The following ZBTB16 variants were observed in gnomAD, a reference collection of about 807,000 sequenced individuals.
The protein encoded by ZBTB16 is zinc finger and BTB domain containing 16, also known as zinc finger and BTB domain-containing protein 16.
A neutral mutation model predicts 56.8 loss-of-function variants in ZBTB16; 8 were observed. The ratio of observed to expected loss-of-function variants is 0.14; its 90% CI spans 0.08 to 0.25. The LOEUF is 0.25. Ranked by LOEUF, ZBTB16 falls within the 10% of genes least tolerant of loss-of-function variation. ZBTB16 has a pLI of 1.00. For synonymous variants in ZBTB16, 363 were observed against 368.5 expected (o/e 0.98, Z 0.17); for missense variants, 625 against 903.0 (o/e 0.69, Z 3.95).
chr11:114,233,084 C>CGCGT (rs1341589097), intron 4 of ZBTB16, among the ~76,000 whole-genome samples: 1 of 61,892 alleles, frequency 1.6e-5, no homozygotes, highest in African/African-American at 5.9e-5. Context: ...CGCGCGCGCA[C>CGCGT]ACACACACAC....
Position 114,064,844 on chromosome 11 carries a change from G to C in ZBTB16, c.1268+276G>C, listed in dbSNP as rs937082005. ...CTTTGTTTTTTGCTTTTGGGCCCCTGTTTGTTTTTTCGGCTGTTTGGTCTG... is the reference window on the plus strand; with the variant it reads ...CTTTGTTTTTTGCTTTTGGGCCCCTCTTTGTTTTTTCGGCTGTTTGGTCTG... On this transcript the variant is annotated intron_variant, in intron 2 of 6. Transcript: ENST00000335953. This position sits in a 1 kb window ranked among gnomAD's most constrained non-coding sequence, Gnocchi z 4.2. Among the ~76,000 whole-genome samples, 6 of 152,122 alleles carry C rather than the reference G, an allele frequency of 3.9e-5. No individual in the cohort carries two copies. The highest frequency in any genetic ancestry group is 2.0e-4 in the Admixed American group (3 of 15,250).
At chr11:114,216,405 T>A (rs1429706735) in intron 4 of ZBTB16, among the ~76,000 whole-genome samples, 2 of 152,180 alleles carry the variant, frequency 1.3e-5, no homozygotes, top group African/African-American at 2.4e-5. Context: ...ACTAGGCTGA[T>A]AAATTGCTGT....
Position 114,064,324 on chromosome 11 carries a change from G to C in ZBTB16, c.1024G>C (p.Ala342Pro). The change falls in exon 2 of 7, where the codon GCT becomes CCT. Residue 342 changes from alanine (A) to proline (P), a missense_variant. This residue lies in a region of ZBTB16 where 384 missense variants were observed against 393.5 expected (regional missense o/e 0.98). Transcript: ENST00000335953. The surrounding 1 kb of genome is among the most constrained non-coding windows in gnomAD (Gnocchi z 4.2). ...GIYSVLPNHK[A>P]DAVLSMPSSV... is the part of the protein sequence containing the mutation. ...CTACTCCGTGTTGCCCAACCACAAG[G>C]CTGACGCTGTATTGAGCATGCCGTC... 1 of 1,614,098 alleles carries C rather than the reference G, an allele frequency of 6.2e-7. No individual in the cohort carries two copies. The highest frequency in any genetic ancestry group is 8.5e-7 in the Non-Finnish European group (1 of 1,180,030).
At chr11:114,196,416 A>G (rs1029157809) in intron 4 of ZBTB16, among the ~76,000 whole-genome samples, 1 of 152,212 alleles carries the variant, frequency 6.6e-6, no homozygotes, top group African/African-American at 2.4e-5. Context: ...GGTCATTCCT[A>G]GGTTTAGAAG....
At chr11:114,229,495 C>T (rs1046916157) in intron 4 of ZBTB16, among the ~76,000 whole-genome samples, 2 of 152,314 alleles carry the variant, frequency 1.3e-5, no homozygotes, top group Admixed American at 6.5e-5. Flanking sequence ...TTAAACTTTA[C>T]GGTACAGAAG....
At chr11:114,157,713 T>TC (rs373475543) in intron 3 of ZBTB16, among the ~76,000 whole-genome samples, 371 of 152,276 alleles carry the variant, frequency 2.4e-3, no homozygotes, top group Middle Eastern at 0.014. Context: ...ATGTGGTCTC[T>TC]CCCCCGGCCC....
chr11:114,066,371 G>A (rs1425131856), intron 2 of ZBTB16, among the ~76,000 whole-genome samples: 1 of 152,162 alleles, frequency 6.6e-6, no homozygotes, highest in Non-Finnish European at 1.5e-5. Flanking sequence ...TGCTTGTACC[G>A]CTCAGAAATA....
intron 3 of ZBTB16, among the ~76,000 whole-genome samples, chr11:114,177,041 T>C (rs1439854508): frequency 6.6e-6 from 1 of 152,172 alleles, no homozygotes; most frequent in Admixed American, 6.5e-5. Flanking sequence ...CTGCATACCC[T>C]GTAGGCTGTG....
chr11:114,087,766 C>G (rs570659731), intron 2 of ZBTB16, among the ~76,000 whole-genome samples: 1 of 152,186 alleles, frequency 6.6e-6, no homozygotes, highest in East Asian at 1.9e-4. Flanking sequence ...GCGTGGCATT[C>G]AAAGCCATCC....
chr11:114,232,087 G>A (rs916523721), intron 4 of ZBTB16, among the ~76,000 whole-genome samples: 2 of 152,134 alleles, frequency 1.3e-5, no homozygotes, highest in Admixed American at 6.5e-5. Context: ...ATCCTGGCCT[G>A]CCCTTTCATG....
intron 2 of ZBTB16, among the ~76,000 whole-genome samples, chr11:114,146,083 C>T (rs530746313): frequency 2.0e-5 from 3 of 152,272 alleles, no homozygotes; most frequent in East Asian, 1.9e-4. Flanking sequence ...GTCCAGCATA[C>T]GGTAGGCGCT....
chr11:114,181,620 A>G (rs1276117762), intron 3 of ZBTB16, among the ~76,000 whole-genome samples: 1 of 152,142 alleles, frequency 6.6e-6, no homozygotes, highest in African/African-American at 2.4e-5. Flanking sequence ...CATTTTACAG[A>G]TTGGGAAATC....
intron 4 of ZBTB16, among the ~76,000 whole-genome samples, chr11:114,236,958 A>T (rs909094090): frequency 8.5e-5 from 13 of 152,222 alleles, no homozygotes; most frequent in Non-Finnish European, 1.8e-4. Flanking sequence ...AACTCCTCAA[A>T]GATGCCTTCT....
At chr11:114,168,991 T>G (rs1434435905) in intron 3 of ZBTB16, among the ~76,000 whole-genome samples, 1 of 152,166 alleles carries the variant, frequency 6.6e-6, no homozygotes, top group Non-Finnish European at 1.5e-5. Context: ...CTGGGAGCCT[T>G]GCAGGAGGGT....
At chr11:114,100,856 C>T (rs1040369016) in intron 2 of ZBTB16, among the ~76,000 whole-genome samples, 1 of 152,060 alleles carries the variant, frequency 6.6e-6, no homozygotes, top group African/African-American at 2.4e-5. Context: ...ACAGCTTTCG[C>T]AAAACTTAAG....
chr11:114,124,898 C>A (rs1941463237), intron 2 of ZBTB16, among the ~76,000 whole-genome samples: 1 of 152,164 alleles, frequency 6.6e-6, no homozygotes, highest in Non-Finnish European at 1.5e-5. Context: ...GAGAAGCAGT[C>A]TCTTGACCTC....
intron 2 of ZBTB16, among the ~76,000 whole-genome samples, chr11:114,149,285 A>G (rs896065011): frequency 1.3e-5 from 2 of 152,186 alleles, no homozygotes; most frequent in Non-Finnish European, 2.9e-5. Flanking sequence ...ATGTATATAT[A>G]TGTACACATA....
intron 6 of ZBTB16, among the ~76,000 whole-genome samples, chr11:114,249,144 C>G (rs1944869741): frequency 7.0e-6 from 1 of 142,088 alleles, no homozygotes; most frequent in South Asian, 2.6e-4. Flanking sequence ...GAGGCAGGGT[C>G]CAGGGCAAGG....
chr11:114,167,231 G>GTT (rs1565663129), intron 3 of ZBTB16, among the ~76,000 whole-genome samples: 26 of 43,202 alleles, frequency 6.0e-4, no homozygotes, highest in East Asian at 4.8e-3. Flanking sequence ...TTTTTTTTTT[G>GTT]GTTTTTTTTT....
Sources: allele counts gnomAD v4.1 joint callset (sites outside exome capture counted in the v4.1 genomes callset), GRCh38; gene constraint gnomAD v4.1.1; regional missense constraint gnomAD v4.1.1; non-coding constraint Gnocchi (gnomAD v3.1); transcripts MANE v1.5; gene names NCBI Gene and HGNC (gene_info 2026-07-23, HGNC 2026-07-21).